ERI1: variants seen among roughly 807,000 people sequenced by gnomAD.
ERI1 encodes 3'-5' exoribonuclease 1.
A neutral mutation model predicts 39.7 loss-of-function variants in ERI1; 39 were observed. The observed-to-expected ratio is 0.98, with a 90% CI of 0.76 to 1.28. ERI1 has a LOEUF of 1.28. Ranked by LOEUF, ERI1 falls within the 50% of genes most tolerant of loss-of-function variation. ERI1 has a pLI of 0.00. For synonymous variants in ERI1, 204 were observed against 149.6 expected, an observed-to-expected ratio of 1.36 and a Z score of -2.65; for missense variants, 581 against 416.9, an observed-to-expected ratio of 1.39 and a Z score of -3.43.
intron 3 of ERI1, among the ~76,000 whole-genome samples, chr8:9,087,436 G>GTTTTTTTT (rs71201908): frequency 9.2e-6 from 1 of 108,814 alleles, no homozygotes; most frequent in Non-Finnish European, 1.8e-5. Flanking sequence ...TTTTTTTTTT[G>GTTTTTTTT]ATTTTTAGTA....
chr8:9,093,504 TAAAAA>T (rs1040785856), intron 3 of ERI1, among the ~76,000 whole-genome samples: 22 of 124,850 alleles, frequency 1.8e-4, no homozygotes, highest in African/African-American at 6.0e-4. Context: ...ACCTTGTCTC[TAAAAA>T]AAAAAAAAAA....
At chr8:9,010,100 T>C (rs976727021) in intron 2 of ERI1, among the ~76,000 whole-genome samples, 1 of 152,236 alleles carries the variant, frequency 6.6e-6, no homozygotes, top group African/African-American at 2.4e-5. Context: ...ATGAGAGCCA[T>C]AGCAGAAAGA....
intron 3 of ERI1, among the ~76,000 whole-genome samples, chr8:9,060,058 G>T (rs1267809989): frequency 6.6e-6 from 1 of 152,216 alleles, no homozygotes; most frequent in Non-Finnish European, 1.5e-5. Flanking sequence ...TAAGTTGGAG[G>T]CTGAGCTTGG....
chr8:9,025,702 T>TGTGTGTGTGTG (rs1554519270), intron 6 of ERI1, among the ~76,000 whole-genome samples: 71 of 147,868 alleles, frequency 4.8e-4, no homozygotes, highest in African/African-American at 1.7e-3. Flanking sequence ...TCTTTTTTTT[T>TGTGTGTGTGTG]TGTGTGTGTG....
At chr8:9,025,744 A>C (rs1818409129) in intron 6 of ERI1, among the ~76,000 whole-genome samples, 1 of 151,580 alleles carries the variant, frequency 6.6e-6, no homozygotes, top group African/African-American at 2.4e-5. Flanking sequence ...TGTACATAAT[A>C]CAGGTTGAGT....
chr8:9,062,944 C>T lies in ERI1; in HGVS notation n.299+42480C>T, dbSNP rs572797767. On this transcript the variant is annotated intron_variant and non_coding_transcript_variant, in intron 3 of 3. Transcript: ENST00000518663. ...GTTCTGGAGGAACCCCTGGCAGCTG[C>T]GGTTCAGGTGTTTGGAGTTCTTGTG... 2.4e-3 allele frequency among the ~76,000 whole-genome samples: 361 copies of T among 152,120 alleles called. 1 individual carries two copies. The highest frequency in any genetic ancestry group is 4.8e-3 in the South Asian group (23 of 4,820).
intron 2 of ERI1, among the ~76,000 whole-genome samples, chr8:9,010,083 G>A (rs148360888): frequency 2.5e-3 from 387 of 152,336 alleles, no homozygotes; most frequent in Admixed American, 5.6e-3. Context: ...CATGCTCAAC[G>A]AAGCTAATGA....
At position 9,023,491 on chromosome 8, in the gene ERI1, A is replaced by G. The variant is rs1455163605; in HGVS notation, c.807+3027A>G. 2.0e-5 allele frequency among the ~76,000 whole-genome samples: 3 copies of G among 152,292 alleles called. No individual in the cohort carries two copies. In the East Asian group the frequency reaches 5.8e-4, roughly 29 times the overall value. On this transcript the variant is annotated intron_variant, in intron 6 of 6. Coordinates refer to ENST00000250263, the MANE Select transcript of ERI1 (RefSeq NM_153332.4). ...TATTAGTGTAATCGGAAAGTTGTAG[A>G]TATTATAAGGCAATAAAATGCTCCC...
intron 3 of ERI1, among the ~76,000 whole-genome samples, chr8:9,055,388 G>C: frequency 6.6e-6 from 1 of 152,198 alleles, no homozygotes; most frequent in Middle Eastern, 3.2e-3. Flanking sequence ...TGACTTAACA[G>C]AACTGATGGT....
intron 3 of ERI1, among the ~76,000 whole-genome samples, chr8:9,045,120 C>T (rs1434832250): frequency 6.6e-6 from 1 of 151,480 alleles, no homozygotes; most frequent in Non-Finnish European, 1.5e-5. Context: ...CCTGTAGTCC[C>T]AGCTACTCTG....
At chr8:9,012,770 CTG>C (rs1464689307) in intron 3 of ERI1, among the ~76,000 whole-genome samples, 3 of 152,306 alleles carry the variant, frequency 2.0e-5, no homozygotes, top group South Asian at 4.1e-4. Flanking sequence ...ATTTTTCACA[CTG>C]TGTAAAAACT....
chr8:9,098,988 C>A (rs1465100018), intron 3 of ERI1, among the ~76,000 whole-genome samples: 1 of 152,036 alleles, frequency 6.6e-6, no homozygotes, highest in African/African-American at 2.4e-5. Context: ...CGCCCCCCCA[C>A]CACATCCGGC....
At chr8:9,042,138 G>T in intron 3 of ERI1, among the ~76,000 whole-genome samples, 1 of 152,204 alleles carries the variant, frequency 6.6e-6, no homozygotes, top group East Asian at 1.9e-4. Flanking sequence ...AGTAGAATAA[G>T]ATAAGCATTA....
intron 3 of ERI1, among the ~76,000 whole-genome samples, chr8:9,068,331 C>A (rs1428785887): frequency 6.6e-6 from 1 of 152,156 alleles, no homozygotes; most frequent in East Asian, 1.9e-4. Flanking sequence ...AGTAGAGGTT[C>A]TCTTTCTCTC....
At chr8:9,075,127 A>AT (rs1483653977) in intron 3 of ERI1, among the ~76,000 whole-genome samples, 2 of 152,274 alleles carry the variant, frequency 1.3e-5, no homozygotes, top group Non-Finnish European at 2.9e-5. Flanking sequence ...GTCACAGTCA[A>AT]TAAAAAATGT....
intron 3 of ERI1, among the ~76,000 whole-genome samples, chr8:9,083,434 C>T (rs1391425501): frequency 3.3e-5 from 5 of 152,188 alleles, no homozygotes; most frequent in African/African-American, 9.6e-5. Context: ...TTTCTGCTTT[C>T]GATGCCTTAT....
intron 6 of ERI1, among the ~76,000 whole-genome samples, chr8:9,025,259 A>G (rs113040234): frequency 1.3e-5 from 2 of 152,128 alleles, no homozygotes; most frequent in African/African-American, 4.8e-5. Flanking sequence ...AGCTTTCCTC[A>G]CTTGATATCA....
chr8:9,020,271 A>G (rs866822815), intron 5 of ERI1, 79 bp from the exon 6 acceptor site: 8 of 680,470 alleles, frequency 1.2e-5, no homozygotes, highest in South Asian at 3.1e-5. Flanking sequence ...ACATATATAA[A>G]TAAATGATTT....
intron 3 of ERI1, among the ~76,000 whole-genome samples, chr8:9,057,680 CTTAAG>C (rs575590247): frequency 6.8e-5 from 10 of 146,862 alleles, no homozygotes; most frequent in Admixed American, 6.4e-4. Flanking sequence ...AGTAAACATC[CTTAAG>C]TCTGTTGTCA....
Sources: gnomAD v4.1 joint callset for allele counts (sites outside exome capture counted in the v4.1 genomes callset) on GRCh38, gnomAD v4.1.1 for gene constraint, MANE v1.5 for transcripts, NCBI Gene and HGNC (gene_info 2026-07-23, HGNC 2026-07-21) for gene names.